NAA20: variants seen among roughly 807,000 people sequenced by gnomAD.
The protein encoded by NAA20 is N-alpha-acetyltransferase 20, NatB catalytic subunit.
A neutral mutation model predicts 23.8 loss-of-function variants in NAA20; 24 were observed. That is an observed-to-expected ratio of 1.01 (90% CI 0.73 to 1.42). The LOEUF is 1.42. Among genes scored for constraint, NAA20 ranks in the 40% most tolerant of loss-of-function variants. The probability of loss-of-function intolerance (pLI) is 0.00; values close to 1 mark genes in which losing one functional copy is unlikely to be tolerated. For synonymous variants in NAA20, 83 were observed against 77.7 expected (o/e 1.07, Z -0.36); for missense variants, 166 against 223.1 (o/e 0.74, Z 1.63).
Position 20,033,263 on chromosome 20 carries a change from C to T in NAA20, c.*76C>T. ...TTATTTTCATTGGATGATTCTGGAG[C>T]TCTATTAGGAGAAAAGTAATCATTT... On this transcript the variant is annotated 3_prime_UTR_variant, in exon 6 of 6. Transcript: ENST00000334982. 1 of 1,190,322 alleles carries T rather than the reference C, an allele frequency of 8.4e-7. No homozygotes were observed. Among genetic ancestry groups the T allele is most frequent in the Non-Finnish European group, 1.2e-6 (1 of 819,876 alleles). The allele number at this position is 1,190,322 out of a possible 1,614,324, so 73.7% of individuals were successfully genotyped here. A position where few individuals can be genotyped will look rare whatever the true frequency, so the allele number is the denominator to read the frequency against.
rs964978497 is a variant in NAA20, at chr20:20,017,778, G to C, written c.53+329G>C. On this transcript the variant is annotated intron_variant, in intron 1 of 5. Transcript: ENST00000334982. ...AGGAGGCGCTGGGGTGATGGGGCGA[G>C]CTGGAGACGCGGCCTGGAGCCCACG... The C allele has an allele frequency of 8.3e-5, 120 of 1,439,586 alleles. No homozygotes were observed. The African/African-American group carries it at 1.5e-3, about 18-fold the overall frequency. 89.2% of individuals were successfully genotyped at this position (1,439,586 alleles called of 1,614,324 possible). A position where few individuals can be genotyped will look rare whatever the true frequency, so the allele number is the denominator to read the frequency against.
intron 1 of NAA20, 90 bp downstream of exon 1, chr20:20,017,539 C>T (rs1179893654): frequency 6.7e-7 from 1 of 1,503,126 alleles, no homozygotes; most frequent in Non-Finnish European, 8.9e-7. Context: ...CCTTCCCGGC[C>T]GGACCCCAAG....
At chr20:20,021,707 T>A (rs2043269761) in intron 1 of NAA20, among the ~76,000 whole-genome samples, 2 of 152,192 alleles carry the variant, frequency 1.3e-5, no homozygotes, top group Admixed American at 1.3e-4. Context: ...CTAGCATTGT[T>A]ATGGGTCTCA....
chr20:20,033,234 A>G lies in NAA20; in HGVS notation c.*47A>G, dbSNP rs1257390126. 1 of 1,426,748 alleles carries G rather than the reference A, an allele frequency of 7.0e-7. No homozygotes were observed. The highest frequency in any genetic ancestry group is 9.8e-7 in the Non-Finnish European group (1 of 1,017,052). 88.4% of individuals were successfully genotyped at this position (1,426,748 alleles called of 1,614,324 possible). A position where few individuals can be genotyped will look rare whatever the true frequency, so the allele number is the denominator to read the frequency against. On this transcript the variant is annotated 3_prime_UTR_variant, in exon 6 of 6. Coordinates refer to ENST00000334982, the MANE Select transcript of NAA20 (RefSeq NM_016100.5). ...CAGATACTCTAGATGCTTTATGGAC[A>G]ATATTATTTTCATTGGATGATTCTG...
At chr20:20,031,051 C>T (rs964635647) in intron 4 of NAA20, among the ~76,000 whole-genome samples, 3 of 152,068 alleles carry the variant, frequency 2.0e-5, no homozygotes, top group South Asian at 2.1e-4. Flanking sequence ...GGTAATCGAC[C>T]GCAGTTCCAA....
intron 2 of NAA20, among the ~76,000 whole-genome samples, chr20:20,024,178 ATTAT>A (rs1409681328): frequency 2.0e-5 from 3 of 152,346 alleles, no homozygotes; most frequent in Admixed American, 6.5e-5. Flanking sequence ...CATTACAAAC[ATTAT>A]TTATTGCAGG....
intron 4 of NAA20, among the ~76,000 whole-genome samples, chr20:20,027,265 T>C (rs2043312874): frequency 6.6e-6 from 1 of 152,242 alleles, no homozygotes; most frequent in Non-Finnish European, 1.5e-5. Flanking sequence ...TGAATAAATT[T>C]TTAGCAGTGC....
At chr20:20,031,426 T>G (rs2043342909) in intron 4 of NAA20, among the ~76,000 whole-genome samples, 1 of 152,056 alleles carries the variant, frequency 6.6e-6, no homozygotes, top group Non-Finnish European at 1.5e-5. Context: ...CATACACAAA[T>G]CAACTCCAGA....
intron 4 of NAA20, among the ~76,000 whole-genome samples, chr20:20,031,584 G>A (rs2043344236): frequency 1.3e-5 from 2 of 152,144 alleles, no homozygotes; most frequent in African/African-American, 4.8e-5. Context: ...TCACTGAAGT[G>A]AAGTAACTTT....
At chr20:20,024,008 G>A (rs2043290034) in intron 2 of NAA20, among the ~76,000 whole-genome samples, 1 of 152,164 alleles carries the variant, frequency 6.6e-6, no homozygotes, top group South Asian at 2.1e-4. Flanking sequence ...GCCTGTTTTT[G>A]TAAATAAAAT....
At chr20:20,029,638 G>T (rs1380903271) in intron 4 of NAA20, among the ~76,000 whole-genome samples, 2 of 149,604 alleles carry the variant, frequency 1.3e-5, no homozygotes, top group Non-Finnish European at 3.0e-5. Context: ...AAAAAATAGC[G>T]ATTTAAAATG....
intron 1 of NAA20, among the ~76,000 whole-genome samples, chr20:20,020,853 G>A (rs1026990307): frequency 1.3e-5 from 2 of 152,186 alleles, no homozygotes; most frequent in African/African-American, 2.4e-5. Flanking sequence ...TGATGGCTCA[G>A]TGCACATCAT....
rs1374834197 is a variant in NAA20 at position 20,031,535 on chromosome 20, G to A, written c.306-973G>A. 2.0e-5 allele frequency among the ~76,000 whole-genome samples: 3 copies of A among 151,898 alleles called. No individual in the cohort carries two copies. In the East Asian group the frequency reaches 5.8e-4, roughly 29 times the overall value. On this transcript the variant is annotated intron_variant, in intron 4 of 5. Transcript: ENST00000334982. ...CCTCAGTGTAGAACTTTTTAAAAAG[G>A]CCATAAAAAGGCTAAGGAAAGGATT...
At chr20:20,017,575 C>G (rs372742374) in intron 1 of NAA20, 126 bp downstream of exon 1, 1 of 1,352,900 alleles carries the variant, frequency 7.4e-7, no homozygotes, top group East Asian at 2.8e-5. Flanking sequence ...GCGAGAACCA[C>G]CCCCCGCCGG....
chr20:20,032,187 T>G (rs1203131817), intron 4 of NAA20, among the ~76,000 whole-genome samples: 1 of 151,924 alleles, frequency 6.6e-6, no homozygotes, highest in African/African-American at 2.4e-5. Flanking sequence ...TCCATGTATA[T>G]AAACTTCATA....
intron 2 of NAA20, among the ~76,000 whole-genome samples, chr20:20,023,307 C>T (rs1412223191): frequency 1.5e-5 from 2 of 130,940 alleles, no homozygotes; most frequent in Non-Finnish European, 3.4e-5. Context: ...AGCGAGACTC[C>T]GTCTCAAAAA....
At chr20:20,026,523 T>TC (rs535518054) in intron 3 of NAA20, among the ~76,000 whole-genome samples, 276 of 151,966 alleles carry the variant, frequency 1.8e-3, no homozygotes, top group African/African-American at 6.4e-3. Flanking sequence ...TTTTTTTTTT[T>TC]CAAAATTAGT....
intron 3 of NAA20, 148 bp from the exon 4 acceptor site, chr20:20,026,636 C>A: frequency 1.3e-6 from 1 of 757,520 alleles, no homozygotes; most frequent in Non-Finnish European, 2.1e-6. Context: ...CAAATAAAAG[C>A]ACTAACTGTT....
chr20:20,020,489 T>C (rs2043259780), intron 1 of NAA20, among the ~76,000 whole-genome samples: 1 of 151,900 alleles, frequency 6.6e-6, no homozygotes, highest in Non-Finnish European at 1.5e-5. Flanking sequence ...AGAGTGAGCA[T>C]GGGAGGGTAA....
Sources: allele counts gnomAD v4.1 joint callset (sites outside exome capture counted in the v4.1 genomes callset), GRCh38; gene constraint gnomAD v4.1.1; transcripts MANE v1.5; gene names NCBI Gene and HGNC (gene_info 2026-07-23, HGNC 2026-07-21).